The following ADRA1B variants were observed in gnomAD, a reference collection of about 807,000 sequenced individuals.
ADRA1B encodes the protein adrenoceptor alpha 1B.
In ADRA1B, 17 loss-of-function variants were observed where a neutral mutation model predicts 17.9. That is an observed-to-expected ratio of 0.95 (90% CI 0.65 to 1.42). ADRA1B has a LOEUF of 1.42. ADRA1B is among the 40% of genes most tolerant of loss of function. The pLI, the probability that ADRA1B is intolerant of heterozygous loss-of-function variation, is 0.00. For missense variants in ADRA1B, 681 were observed against 722.1 expected, an observed-to-expected ratio of 0.94 and a Z score of 0.65; for synonymous variants, 366 against 327.6, an observed-to-expected ratio of 1.12 and a Z score of -1.27.
At chr5:159,962,932 TTTC>T (rs750255463) in intron 1 of ADRA1B, among the ~76,000 whole-genome samples, 3,809 of 117,016 alleles carry the variant, frequency 0.033, 162 homozygotes, top group East Asian at 0.15. Flanking sequence ...TTTCTTTTCT[TTTC>T]TTTTTTTTTT....
intron 1 of ADRA1B, among the ~76,000 whole-genome samples, chr5:159,957,056 G>A (rs1395336338): frequency 6.6e-6 from 1 of 152,052 alleles, no homozygotes; most frequent in Non-Finnish European, 1.5e-5. Flanking sequence ...ATTTTTAGTA[G>A]AGATGGGGTT....
chr5:159,874,348 G>A (rs1434070795), intron 1 of ADRA1B, among the ~76,000 whole-genome samples: 1 of 152,088 alleles, frequency 6.6e-6, no homozygotes, highest in Non-Finnish European at 1.5e-5. Context: ...GGCTATCCCA[G>A]CTCACCACTA....
chr5:159,965,975 A>G (rs144960485), intron 1 of ADRA1B, among the ~76,000 whole-genome samples: 1,676 of 152,228 alleles, frequency 0.011, 38 homozygotes, highest in African/African-American at 0.036. Context: ...GGGTTTTACC[A>G]TGTTGGCGAG....
At chr5:159,950,490 G>A (rs758620485) in intron 1 of ADRA1B, 5 of 1,456,644 alleles carry the variant, frequency 3.4e-6, no homozygotes, top group Non-Finnish European at 4.7e-6. Flanking sequence ...TGGTCCAGGG[G>A]TGTTACTCCT....
chr5:159,890,409 C>T (rs6556460), intron 1 of ADRA1B, among the ~76,000 whole-genome samples: 39,834 of 152,116 alleles, frequency 0.26, 5,373 homozygotes, highest in Middle Eastern at 0.28. Flanking sequence ...CACCTCAAAA[C>T]GTAGAGGCTT....
chr5:159,911,133 C>T (rs905869416), intron 1 of ADRA1B, among the ~76,000 whole-genome samples: 1 of 152,172 alleles, frequency 6.6e-6, no homozygotes, highest in African/African-American at 2.4e-5. Context: ...TCAAACAAGA[C>T]TGCAACTTAA....
chr5:159,917,317 G>A lies in ADRA1B; in HGVS notation c.412G>A (p.Ala138Thr), dbSNP rs774114012. The A allele has an allele frequency of 1.9e-6, 3 of 1,613,970 alleles. No homozygotes were observed. In the South Asian group the frequency reaches 3.3e-5, roughly 18 times the overall value. ...CCTASILSLC[A>T]ISIDRYIGVR... is the part of the protein sequence containing the mutation. The stretch of plus-strand genomic sequence containing the variant: ...CACAGCGTCCATTCTGAGCCTGTGC[G>A]CCATCTCCATCGATCGCTACATCGG... The change falls in exon 1 of 2, where the codon GCC becomes ACC. Residue 138 changes from alanine (A) to threonine (T), a missense_variant. Transcript: ENST00000306675.
At chr5:159,914,872 C>G (rs1754263672), upstream of ADRA1B, among the ~76,000 whole-genome samples, 1 of 152,190 alleles carries the variant, frequency 6.6e-6, no homozygotes, top group African/African-American at 2.4e-5. Context: ...AAGAAGGTAT[C>G]AGGCTTTACT....
intron 1 of ADRA1B, among the ~76,000 whole-genome samples, chr5:159,879,540 C>G (rs1164415990): frequency 6.6e-6 from 1 of 152,132 alleles, no homozygotes; most frequent in African/African-American, 2.4e-5. Context: ...TTCCACAAGC[C>G]AATTCTTCTT....
chr5:159,919,777 C>G (rs935977686), intron 1 of ADRA1B, among the ~76,000 whole-genome samples: 2 of 152,244 alleles, frequency 1.3e-5, no homozygotes, highest in Non-Finnish European at 2.9e-5. Flanking sequence ...CAGCAGGATG[C>G]AGGAATGGAT....
intron 1 of ADRA1B, among the ~76,000 whole-genome samples, chr5:159,904,088 T>C (rs1182014924): frequency 2.0e-5 from 3 of 152,244 alleles, no homozygotes; most frequent in African/African-American, 7.2e-5. Flanking sequence ...TTGTATGTCT[T>C]TCCATAGTTT....
intron 1 of ADRA1B, among the ~76,000 whole-genome samples, chr5:159,945,595 A>C (rs1175696683): frequency 6.6e-6 from 1 of 152,166 alleles, no homozygotes; most frequent in Non-Finnish European, 1.5e-5. Context: ...GAGGTGGCAG[A>C]TGATGTCAGA....
chr5:159,931,902 C>G (rs191234663), intron 1 of ADRA1B, among the ~76,000 whole-genome samples: 1 of 152,250 alleles, frequency 6.6e-6, no homozygotes, highest in Non-Finnish European at 1.5e-5. Flanking sequence ...ACCAACAACA[C>G]TGCACTGGGG....
At chr5:159,920,075 CTG>C (rs996145681) in intron 1 of ADRA1B, among the ~76,000 whole-genome samples, 6 of 152,184 alleles carry the variant, frequency 3.9e-5, no homozygotes, top group Admixed American at 1.3e-4. Flanking sequence ...TGGTAGCTGC[CTG>C]GGCCGAACCC....
At chr5:159,977,588 C>T (rs931983757), downstream of ADRA1B, among the ~76,000 whole-genome samples, 1 of 152,208 alleles carries the variant, frequency 6.6e-6, no homozygotes, top group Non-Finnish European at 1.5e-5. Flanking sequence ...CCTGGACCTG[C>T]CTTTTGAAAG....
At chr5:159,872,953 G>A (rs987071017) in intron 1 of ADRA1B, among the ~76,000 whole-genome samples, 2 of 139,488 alleles carry the variant, frequency 1.4e-5, no homozygotes, top group Non-Finnish European at 3.0e-5. Context: ...AGGCCCCAGT[G>A]TGTGATGTTC....
upstream of ADRA1B, among the ~76,000 whole-genome samples, chr5:159,914,668 G>C (rs1314971405): frequency 1.3e-5 from 2 of 152,144 alleles, no homozygotes; most frequent in African/African-American, 2.4e-5. Flanking sequence ...TTCGATACGT[G>C]TATGATAACC....
chr5:159,950,931 G>T, intron 1 of ADRA1B: 1 of 568,508 alleles, frequency 1.8e-6, no homozygotes, highest in South Asian at 1.7e-5. Context: ...TTCCCAGAGA[G>T]GCCATCCACA....
At chr5:159,983,799 C>T in the ADRA1B span, among the ~76,000 whole-genome samples, 1 of 152,110 alleles carries the variant, frequency 6.6e-6, no homozygotes, top group Non-Finnish European at 1.5e-5. Context: ...CCTTTTCTTC[C>T]TCTGTTGACC....
Sources: allele counts gnomAD v4.1 joint callset (sites outside exome capture counted in the v4.1 genomes callset), GRCh38; gene constraint gnomAD v4.1.1; transcripts MANE v1.5; gene names NCBI Gene and HGNC (gene_info 2026-07-23, HGNC 2026-07-21).